Variants in TRPM2 observed in about 807,000 individuals in gnomAD.
The protein encoded by TRPM2 is estrogen-responsive element-associated gene 1 protein.
A neutral mutation model predicts 174.0 loss-of-function variants in TRPM2; 161 were observed. The ratio of observed to expected loss-of-function variants is 0.93; its 90% CI spans 0.81 to 1.05. TRPM2 has a LOEUF of 1.05. Among genes scored for constraint, TRPM2 ranks in the 50% least tolerant of loss-of-function variants. The probability of loss-of-function intolerance (pLI) is 0.00; values close to 1 mark genes in which losing one functional copy is unlikely to be tolerated. For missense variants in TRPM2, 2,057 were observed against 2,038.0 expected (o/e 1.01, Z -0.18); for synonymous variants, 954 against 861.3 (o/e 1.11, Z -1.88).
chr21:44,397,972 A>G, intron 13 of TRPM2, 96 bp downstream of exon 13: 3 of 1,369,586 alleles, frequency 2.2e-6, no homozygotes, highest in Non-Finnish European at 2.9e-6. Flanking sequence ...ATGTGCCCTC[A>G]CCCTGGGGTC....
At chr21:44,427,914 G>A (rs1001228489) in intron 27 of TRPM2, among the ~76,000 whole-genome samples, 3 of 152,094 alleles carry the variant, frequency 2.0e-5, no homozygotes, top group African/African-American at 4.8e-5. Context: ...TATGTGGGAC[G>A]GGCAAGGGCG....
rs2049479035 is a variant in TRPM2, at chr21:44,397,826, G to T, written c.2012G>T (p.Ser671Ile). 6.2e-7 allele frequency: 1 copy of T among 1,607,962 alleles called. No homozygotes were observed. The highest frequency in any genetic ancestry group is 8.5e-7 in the Non-Finnish European group (1 of 1,177,586). ...ELSKEEEDTDSSEEMLALAEE... is the reference protein window; with the variant it reads ...ELSKEEEDTDISEEMLALAEE... ...TCCAAGGAGGAGGAGGACACGGACA[G>T]CTCGGAGGAGATGCTGGCGCTGGCG... The change falls in exon 13 of 32, where the codon AGC (serine) becomes ATC (isoleucine). Residue 671 changes from serine to isoleucine, a missense_variant. Physicochemically the swap from Ser to Ile is moderately radical, Grantham distance 142. Coordinates refer to ENST00000397928, the MANE Select transcript of TRPM2 (RefSeq NM_003307.4).
intron 28 of TRPM2, among the ~76,000 whole-genome samples, chr21:44,436,477 G>A (rs1464078816): frequency 2.6e-5 from 4 of 151,644 alleles, no homozygotes; most frequent in Non-Finnish European, 4.4e-5. Context: ...CTGCCCAGGT[G>A]GCACTCGGCA....
chr21:44,387,864 T>A (rs990619677), intron 9 of TRPM2, among the ~76,000 whole-genome samples: 5 of 152,192 alleles, frequency 3.3e-5, no homozygotes, highest in Non-Finnish European at 5.9e-5. Flanking sequence ...CACATTAGGA[T>A]AGCTACTATA....
chr21:44,417,908 G>C lies in TRPM2; in HGVS notation c.3147-19G>C. On this transcript the variant is annotated intron_variant, in intron 20 of 31. Transcript: ENST00000397928. The stretch of plus-strand genomic sequence containing the variant: ...GTAAACACCCTGACCTCGAGGTGTT[G>C]CTTTCTCCTCCCTGACAGCTACACC... 1 of 1,604,806 alleles carries C rather than the reference G, an allele frequency of 6.2e-7. No homozygotes were observed. The highest frequency in any genetic ancestry group is 1.7e-5 in the Admixed American group (1 of 59,738).
At chr21:44,378,057 G>A (rs1045988554) in intron 7 of TRPM2, among the ~76,000 whole-genome samples, 4 of 152,214 alleles carry the variant, frequency 2.6e-5, no homozygotes, top group Non-Finnish European at 4.4e-5. Context: ...GGAGTGAGTG[G>A]GGCGCCTCTG....
intron 4 of TRPM2, among the ~76,000 whole-genome samples, chr21:44,368,687 C>T (rs2048432488): frequency 6.6e-6 from 1 of 152,142 alleles, no homozygotes; most frequent in Non-Finnish European, 1.5e-5. Flanking sequence ...CCGCCTCGGC[C>T]TCCCAAAGTG....
intron 19 of TRPM2, among the ~76,000 whole-genome samples, chr21:44,409,860 A>T (rs1236882113): frequency 8.2e-6 from 1 of 121,228 alleles, no homozygotes; most frequent in Admixed American, 9.0e-5. Context: ...TTTTGACCAC[A>T]CTGTCTTGGC....
Position 44,405,166 on chromosome 21 carries a change from G to T in TRPM2, c.2563G>T (p.Gly855Trp), listed in dbSNP as rs144022462. ...RQLFYDPDEC[G>W]LMKKAALYFS... is the part of the protein sequence containing the mutation. ...GCTCTTCTATGACCCTGACGAGTGC[G>T]GGCTGATGAAGAAGGCAGCCTTGTA... is the stretch of plus-strand genomic sequence containing the variant. Residue 855 changes from glycine to tryptophan, a missense_variant, in exon 17 of 32, where the codon GGG (glycine) becomes TGG (tryptophan). Coordinates refer to ENST00000397928, the MANE Select transcript of TRPM2 (RefSeq NM_003307.4). 1 of 1,613,334 alleles carries T rather than the reference G, an allele frequency of 6.2e-7. No individual in the cohort carries two copies. Among genetic ancestry groups the T allele is most frequent in the African/African-American group, 1.3e-5 (1 of 74,928 alleles).
At chr21:44,363,949 C>T (rs994934841) in intron 2 of TRPM2, among the ~76,000 whole-genome samples, 165 bp from the exon 3 acceptor site, 5 of 152,276 alleles carry the variant, frequency 3.3e-5, no homozygotes, top group Middle Eastern at 3.4e-3. Context: ...AGAGCTCCAG[C>T]CCACCATTAG....
At position 44,366,685 on chromosome 21, in the gene TRPM2, C is replaced by T; in HGVS notation, c.424-69C>T. The stretch of plus-strand genomic sequence containing the variant: ...GCCCGCTGGGGCCTCTCTGCATGGC[C>T]TGTGTGGGTCGGTGCTGTCCCTGAC... On this transcript the variant is annotated intron_variant, in intron 3 of 31. Transcript: ENST00000397928. The surrounding 1 kb of genome is among the most constrained non-coding windows in gnomAD (Gnocchi z 6.0). The T allele has an allele frequency of 6.2e-7, 1 of 1,606,742 alleles. No homozygotes were observed. Among genetic ancestry groups the T allele is most frequent in the Non-Finnish European group, 8.5e-7 (1 of 1,176,876 alleles).
At chr21:44,414,689 T>C (rs1160155284) in intron 20 of TRPM2, 1 of 152,356 alleles carries the variant, frequency 6.6e-6, no homozygotes, top group Non-Finnish European at 1.5e-5. Flanking sequence ...GCAGTGTTTC[T>C]ATTAGGGAAG....
At position 44,399,420 on chromosome 21, in the gene TRPM2, T is replaced by G; in HGVS notation, c.2187T>G (p.Phe729Leu). Residue 729 changes from phenylalanine (F) to leucine (L), a missense_variant, in exon 14 of 32, where the codon TTT becomes TTG. By Grantham distance (22) the Phe-to-Leu change is conservative. Transcript: ENST00000397928. The surrounding 1 kb of genome is among the most constrained non-coding windows in gnomAD (Gnocchi z 4.6). The part of the protein sequence containing the change: ...QLALEAKDMK[F>L]VSHGGIQAFL... ...CCCTGGAGGCCAAGGACATGAAGTTTGTGTCTCACGGGGGCATCCAGGTGA... is the reference window on the plus strand; with the variant it reads ...CCCTGGAGGCCAAGGACATGAAGTTGGTGTCTCACGGGGGCATCCAGGTGA... The G allele has an allele frequency of 6.2e-7, 1 of 1,612,230 alleles. No individual in the cohort carries two copies. Among genetic ancestry groups the G allele is most frequent in the Non-Finnish European group, 8.5e-7 (1 of 1,179,688 alleles).
intron 16 of TRPM2, among the ~76,000 whole-genome samples, chr21:44,403,463 C>T (rs545640401): frequency 6.6e-6 from 1 of 152,276 alleles, no homozygotes; most frequent in East Asian, 1.9e-4. Context: ...CTCCAACACA[C>T]ACACACATGC....
At chr21:44,440,702 G>C in intron 30 of TRPM2, 87 bp from the exon 31 acceptor site, 2 of 1,118,766 alleles carry the variant, frequency 1.8e-6, no homozygotes, top group Non-Finnish European at 2.7e-6. Context: ...TGTGCTCAGA[G>C]CTGGGTCAGG....
At position 44,432,399 on chromosome 21, in the gene TRPM2, G is replaced by A. The variant is rs1429354922; in HGVS notation, c.3975-2732G>A. On this transcript the variant is annotated intron_variant, in intron 27 of 31. Coordinates refer to ENST00000397928, the MANE Select transcript of TRPM2 (RefSeq NM_003307.4). This position sits in a 1 kb window ranked among gnomAD's most constrained non-coding sequence, Gnocchi z 4.9. ...TTCTTAGGATTATAAATCGTACTGG[G>A]TTTAGGGCCAACCCTATTCCAGTGT... 6.6e-6 allele frequency among the ~76,000 whole-genome samples: 1 copy of A among 152,162 alleles called. No individual in the cohort carries two copies. The highest frequency in any genetic ancestry group is 1.5e-5 in the Non-Finnish European group (1 of 68,046).
chr21:44,405,884 G>A, intron 17 of TRPM2, 21 bp from the exon 18 acceptor site: 1 of 1,596,868 alleles, frequency 6.3e-7, no homozygotes, highest in Non-Finnish European at 8.5e-7. Flanking sequence ...TGAGATGTGT[G>A]TGCTTCTGCC....
At chr21:44,409,600 G>A (rs990069274) in intron 19 of TRPM2, among the ~76,000 whole-genome samples, 8 of 146,826 alleles carry the variant, frequency 5.4e-5, no homozygotes, top group South Asian at 2.2e-4. Flanking sequence ...CTTGGTTGGC[G>A]TAGCCTTGTA....
chr21:44,414,501 T>G, intron 20 of TRPM2: 1 of 175,236 alleles, frequency 5.7e-6, no homozygotes, highest in Non-Finnish European at 1.2e-5. Context: ...TGTCCCCTTG[T>G]CACCCCAAGG....
Sources: allele counts gnomAD v4.1 joint callset (sites outside exome capture counted in the v4.1 genomes callset), GRCh38; gene constraint gnomAD v4.1.1; non-coding constraint Gnocchi (gnomAD v3.1); transcripts MANE v1.5; gene names NCBI Gene and HGNC (gene_info 2026-07-23, HGNC 2026-07-21).